MYH15: variants seen among roughly 807,000 people sequenced by gnomAD.
MYH15 encodes the protein myosin heavy chain 15, also known as myosin-15.
In MYH15, 227 loss-of-function variants were observed where a neutral mutation model predicts 240.5. The ratio of observed to expected loss-of-function variants is 0.94; its 90% confidence interval spans 0.85 to 1.05. MYH15 has a LOEUF of 1.05. MYH15 is among the 50% of genes least tolerant of loss of function. MYH15 has a pLI of 0.00. For missense variants in MYH15, 2,217 were observed against 2,247.5 expected, an observed-to-expected ratio of 0.99 and a Z score of 0.27; for synonymous variants, 785 against 796.7, an observed-to-expected ratio of 0.99 and a Z score of 0.25.
intron 1 of MYH15, among the ~76,000 whole-genome samples, chr3:108,516,037 G>A (rs1476243571): frequency 6.6e-6 from 1 of 152,186 alleles, no homozygotes; most frequent in Non-Finnish European, 1.5e-5. Context: ...ATATGGGGAT[G>A]AGGGGGTGCA....
At chr3:108,414,469 T>C (rs2107550540) in intron 29 of MYH15, 41 bp from the exon 30 acceptor site, 2 of 1,547,866 alleles carry the variant, frequency 1.3e-6, no homozygotes, top group Non-Finnish European at 1.8e-6. Context: ...ATGACCACCA[T>C]GAGCAACACA....
rs148904492 is a variant in MYH15, at chr3:108,493,876, G to A, written c.712-699C>T. 2.4e-4 allele frequency among the ~76,000 whole-genome samples: 36 copies of A among 152,338 alleles called. No individual in the cohort carries two copies. In the East Asian group the frequency reaches 6.6e-3, roughly 28 times the overall value. On this transcript the variant is annotated intron_variant, in intron 7 of 40. Coordinates refer to ENST00000693548, the MANE Select transcript of MYH15 (RefSeq NM_014981.3). ...ATTGTAAGGTTTTAAGCAGAGGAGT[G>A]ATGTGATCTAATTTATGTTTCATAG...
At chr3:108,444,004 G>C (rs1477402306) in intron 22 of MYH15, among the ~76,000 whole-genome samples, 1 of 6,738 alleles carries the variant, frequency 1.5e-4, no homozygotes, top group Non-Finnish European at 3.2e-4. Flanking sequence ...GTTGTGGGGT[G>C]GGGGAGGGGG....
the MYH15 span, among the ~76,000 whole-genome samples, chr3:108,536,210 A>G: frequency 6.6e-6 from 1 of 152,236 alleles, no homozygotes; most frequent in Non-Finnish European, 1.5e-5. Context: ...GGTTGCAGCC[A>G]GCCAAGATTG....
chr3:108,527,518 GAGTTT>G (rs1470370712), intron 1 of MYH15, among the ~76,000 whole-genome samples: 2 of 152,080 alleles, frequency 1.3e-5, no homozygotes, highest in African/African-American at 4.8e-5. Flanking sequence ...TATTCTAATA[GAGTTT>G]AATTATTTTT....
At chr3:108,510,670 G>T, upstream of MYH15, 1 of 1,345,090 alleles carries the variant, frequency 7.4e-7, no homozygotes, top group Non-Finnish European at 1.0e-6. Context: ...CACATAGATA[G>T]ACTAAAGAGT....
At chr3:108,486,088 A>T (rs1416493888) in intron 10 of MYH15, among the ~76,000 whole-genome samples, 1 of 152,246 alleles carries the variant, frequency 6.6e-6, no homozygotes, top group East Asian at 1.9e-4. Context: ...GCATAATTAC[A>T]GTCTTTTGGT....
the MYH15 span, among the ~76,000 whole-genome samples, chr3:108,539,011 G>A: frequency 6.6e-6 from 1 of 152,078 alleles, no homozygotes; most frequent in South Asian, 2.1e-4. Flanking sequence ...CACTTTCTTG[G>A]TAACACTAAT....
chr3:108,398,210 A>T (rs2082476278), intron 35 of MYH15, among the ~76,000 whole-genome samples: 1 of 152,224 alleles, frequency 6.6e-6, no homozygotes, highest in Non-Finnish European at 1.5e-5. Context: ...CAGCGGGAAG[A>T]TGCTGTGAAG....
rs747901065 is a variant in MYH15 at position 108,499,496 on chromosome 3, A to G, written c.497-14T>C. 2.5e-6 allele frequency: 4 copies of G among 1,611,344 alleles called. No individual in the cohort carries two copies. Among genetic ancestry groups the G allele is most frequent in the African/African-American group, 1.3e-5 (1 of 74,854 alleles). ...GATTTTCTCGATCTACAAAAGAAAG[A>G]AAAATGCCAGAATATTCTTATATTC... On this transcript the variant is annotated splice_polypyrimidine_tract_variant and intron_variant, in intron 4 of 40. Coordinates refer to ENST00000693548, the MANE Select transcript of MYH15 (RefSeq NM_014981.3).
chr3:108,413,843 T>G (rs200392676), intron 30 of MYH15, among the ~76,000 whole-genome samples: 4 of 152,284 alleles, frequency 2.6e-5, no homozygotes, highest in South Asian at 2.1e-4. Flanking sequence ...ACACAACGAC[T>G]TTGATGGAGA....
chr3:108,456,894 AAAAG>A lies in MYH15; in HGVS notation c.2021-15_2021-12del. On this transcript the variant is annotated splice_polypyrimidine_tract_variant and intron_variant, in intron 18 of 40. Coordinates refer to ENST00000693548, the MANE Select transcript of MYH15 (RefSeq NM_014981.3). ...AAGGGTCCAGTATACCTGGAAAAAA[AAAAG>A]AGTCATGGTGGATCTGTGCCTGAAA... 6.3e-7 allele frequency: 1 copy of A among 1,586,658 alleles called. No homozygotes were observed. The highest frequency in any genetic ancestry group is 8.6e-7 in the Non-Finnish European group (1 of 1,159,598).
chr3:108,458,730 C>G (rs1279120726), intron 18 of MYH15, among the ~76,000 whole-genome samples: 1 of 151,322 alleles, frequency 6.6e-6, no homozygotes, highest in Non-Finnish European at 1.5e-5. Context: ...TGGTAAAACC[C>G]TTGTTTGGGG....
At position 108,410,747 on chromosome 3, in the gene MYH15, G is replaced by A. The variant is rs770137501; in HGVS notation, c.4331C>T (p.Ala1444Val). The A allele has an allele frequency of 6.2e-7, 1 of 1,614,100 alleles. No individual in the cohort carries two copies. Among genetic ancestry groups the A allele is most frequent in the African/African-American group, 1.3e-5 (1 of 75,054 alleles). ...LDQKQLQSGKALADWKQKHEE... is the reference protein window; with the variant it reads ...LDQKQLQSGKVLADWKQKHEE... ...GTGCTTCTGCTTCCAGTCGGCAAGG[G>A]CCTTGCCAGACTGCAGCTGCTTCTG... The change falls in exon 31 of 41, where the codon GCC becomes GTC. Residue 1444 changes from alanine (A) to valine (V), a missense_variant. Coordinates refer to ENST00000693548, the MANE Select transcript of MYH15 (RefSeq NM_014981.3).
chr3:108,433,952 A>G (rs938958837), intron 25 of MYH15, among the ~76,000 whole-genome samples: 44 of 152,134 alleles, frequency 2.9e-4, no homozygotes, highest in Non-Finnish European at 1.8e-4. Context: ...AAGTACTGAC[A>G]TATGTTTGTG....
Position 108,394,012 on chromosome 3 carries a change from A to G in MYH15, c.5259+19T>C, listed in dbSNP as rs2082440292. 1 of 1,613,102 alleles carries G rather than the reference A, an allele frequency of 6.2e-7. No homozygotes were observed. The highest frequency in any genetic ancestry group is 8.5e-7 in the Non-Finnish European group (1 of 1,179,896). Reference sequence around the variant, plus strand: ...TGAACTCTGGGAGACAGGATTGAGTACGTGGTCAAGGGACCCACCTCAATG... The same window carrying G: ...TGAACTCTGGGAGACAGGATTGAGTGCGTGGTCAAGGGACCCACCTCAATG... On this transcript the variant is annotated intron_variant, in intron 36 of 40. Transcript: ENST00000693548.
chr3:108,466,584 G>C (rs909804252), intron 14 of MYH15, among the ~76,000 whole-genome samples: 3 of 152,098 alleles, frequency 2.0e-5, no homozygotes, highest in Non-Finnish European at 4.4e-5. Flanking sequence ...CCTTATGGCA[G>C]GGACCATACA....
At chr3:108,528,181 C>A (rs1385881031) in intron 1 of MYH15, among the ~76,000 whole-genome samples, 2 of 152,072 alleles carry the variant, frequency 1.3e-5, no homozygotes, top group South Asian at 2.1e-4. Flanking sequence ...CAGTCTACCT[C>A]ATAAGGTTTT....
chr3:108,530,887 A>G (rs886333141), upstream of MYH15, among the ~76,000 whole-genome samples: 33 of 152,218 alleles, frequency 2.2e-4, no homozygotes, highest in Non-Finnish European at 7.3e-5. Context: ...ACTGTATTTA[A>G]TATATTCAAG....
Sources: gnomAD v4.1 joint callset for allele counts (sites outside exome capture counted in the v4.1 genomes callset) on GRCh38, gnomAD v4.1.1 for gene constraint, MANE v1.5 for transcripts, NCBI Gene and HGNC (gene_info 2026-07-23, HGNC 2026-07-21) for gene names.